The following PRUNE2 variants were observed in gnomAD, a reference collection of about 807,000 sequenced individuals.
PRUNE2 encodes prune homolog 2 with BCH domain, also known as protein prune homolog 2.
PRUNE2 carries 164 observed loss-of-function variants against 252.0 expected under a neutral mutation model. The observed-to-expected ratio is 0.65, with a 90% CI of 0.57 to 0.74. The LOEUF is 0.74. PRUNE2 is among the 30% of genes least tolerant of loss of function. PRUNE2 has a pLI of 0.00. For synonymous variants in PRUNE2, 1,292 were observed against 1,350.2 expected (o/e 0.96, Z 0.94); for missense variants, 3,495 against 3,711.0 (o/e 0.94, Z 1.51).
chr9:76,643,031 G>T (rs374294378), intron 12 of PRUNE2, among the ~76,000 whole-genome samples: 1 of 152,212 alleles, frequency 6.6e-6, no homozygotes, highest in African/African-American at 2.4e-5. Context: ...GGGACGGAGA[G>T]CACAGCAAAC....
chr9:76,746,262 T>C (rs909649855), intron 6 of PRUNE2, among the ~76,000 whole-genome samples: 4 of 152,100 alleles, frequency 2.6e-5, no homozygotes, highest in African/African-American at 9.7e-5. Context: ...TTGGAACTGG[T>C]CACTGGAAAG....
chr9:76,692,310 C>T (rs2044849873), intron 9 of PRUNE2: 7 of 583,824 alleles, frequency 1.2e-5, no homozygotes, highest in African/African-American at 1.9e-5. Context: ...TGGGAATATA[C>T]GATACCCTTT....
At chr9:76,830,412 G>A (rs926938610) in intron 4 of PRUNE2, among the ~76,000 whole-genome samples, 2 of 152,164 alleles carry the variant, frequency 1.3e-5, no homozygotes, top group Admixed American at 1.3e-4. Flanking sequence ...CAGCACTTTG[G>A]AGGTGGAGGT....
At chr9:76,731,280 C>CTCTATCTA (rs1182228208) in intron 6 of PRUNE2, among the ~76,000 whole-genome samples, 44 of 86,850 alleles carry the variant, frequency 5.1e-4, no homozygotes, top group Non-Finnish European at 7.7e-4. Flanking sequence ...TATTCCCTCT[C>CTCTATCTA]TCTATCTATC....
At position 76,852,711 on chromosome 9, in the gene PRUNE2, G is replaced by A. The variant is rs545136719; in HGVS notation, c.141+1393C>T. 2.3e-4 allele frequency among the ~76,000 whole-genome samples: 35 copies of A among 152,332 alleles called. No homozygotes were observed. The East Asian group carries it at 6.7e-3, about 29-fold the overall frequency. On this transcript the variant is annotated intron_variant, in intron 2 of 18. Transcript: ENST00000376718. ...CAAATTCTTAGTATGAGACCTTTCA[G>A]TAATTCCACATTCATCTCCATGCTT...
intron 9 of PRUNE2, among the ~76,000 whole-genome samples, chr9:76,667,405 G>A (rs1019264350): frequency 1.3e-5 from 2 of 152,212 alleles, no homozygotes; most frequent in Non-Finnish European, 2.9e-5. Context: ...AACTGGCTGG[G>A]CTGGCAGCAT....
At chr9:76,667,297 G>C (rs1451520770) in intron 9 of PRUNE2, among the ~76,000 whole-genome samples, 1 of 152,184 alleles carries the variant, frequency 6.6e-6, no homozygotes, top group Non-Finnish European at 1.5e-5. Context: ...TCTTCCGAAG[G>C]GAAGGGGGAA....
chr9:76,808,138 A>G (rs1564349383), intron 6 of PRUNE2, among the ~76,000 whole-genome samples: 1 of 151,996 alleles, frequency 6.6e-6, no homozygotes, highest in Non-Finnish European at 1.5e-5. Context: ...AGATCATGCC[A>G]CTGCACTCCA....
At chr9:76,697,863 C>T (rs1410918625) in intron 9 of PRUNE2, among the ~76,000 whole-genome samples, 1 of 152,110 alleles carries the variant, frequency 6.6e-6, no homozygotes, top group Non-Finnish European at 1.5e-5. Context: ...TCTCAAGTGT[C>T]ATTTGGGTGG....
intron 17 of PRUNE2, among the ~76,000 whole-genome samples, chr9:76,622,597 AAG>A (rs1334003890): frequency 6.6e-6 from 1 of 152,186 alleles, no homozygotes; most frequent in Non-Finnish European, 1.5e-5. Flanking sequence ...AAAAATCTGA[AAG>A]AGAACTCTCA....
intron 9 of PRUNE2, among the ~76,000 whole-genome samples, chr9:76,655,781 C>T (rs1848963880): frequency 6.6e-6 from 1 of 152,132 alleles, no homozygotes; most frequent in Non-Finnish European, 1.5e-5. Flanking sequence ...ATAGGAAATG[C>T]AAACAACTAA....
chr9:76,901,758 A>G (rs939596986), intron 1 of PRUNE2, among the ~76,000 whole-genome samples: 3 of 152,202 alleles, frequency 2.0e-5, no homozygotes, highest in Admixed American at 2.0e-4. Flanking sequence ...TTTCTTCTGT[A>G]GAAGTCCACA....
At chr9:76,748,329 G>A (rs1188316970) in intron 6 of PRUNE2, among the ~76,000 whole-genome samples, 1 of 152,184 alleles carries the variant, frequency 6.6e-6, no homozygotes, top group East Asian at 1.9e-4. Flanking sequence ...CTGAAGACAA[G>A]GTCCCTGCCT....
intron 1 of PRUNE2, among the ~76,000 whole-genome samples, chr9:76,881,365 A>G (rs1262328981): frequency 6.6e-6 from 1 of 152,190 alleles, no homozygotes; most frequent in Non-Finnish European, 1.5e-5. Context: ...GGGGTTGTTT[A>G]TGAGTATATA....
chr9:76,781,668 GT>G (rs2054410760), intron 6 of PRUNE2, among the ~76,000 whole-genome samples: 1 of 152,156 alleles, frequency 6.6e-6, no homozygotes, highest in Non-Finnish European at 1.5e-5. Context: ...ATGATTACTT[GT>G]TTAATGTCTT....
chr9:76,832,607 T>C (rs2058729749), intron 4 of PRUNE2, among the ~76,000 whole-genome samples: 1 of 151,818 alleles, frequency 6.6e-6, no homozygotes. Context: ...TTTTATACCC[T>C]TAAAAGCGTT....
intron 9 of PRUNE2, among the ~76,000 whole-genome samples, chr9:76,682,753 T>A (rs1390583313): frequency 6.6e-6 from 1 of 152,226 alleles, no homozygotes; most frequent in African/African-American, 2.4e-5. Flanking sequence ...AATACATTAA[T>A]ATAATTTGTA....
intron 6 of PRUNE2, among the ~76,000 whole-genome samples, chr9:76,719,611 C>T (rs1266389014): frequency 6.6e-6 from 1 of 151,640 alleles, no homozygotes; most frequent in Non-Finnish European, 1.5e-5. Flanking sequence ...ATAGTGAGAG[C>T]TCCTCTCTAA....
chr9:76,726,737 G>T (rs1361324943), intron 6 of PRUNE2, among the ~76,000 whole-genome samples: 1 of 152,126 alleles, frequency 6.6e-6, no homozygotes, highest in Non-Finnish European at 1.5e-5. Context: ...TCAACATGAG[G>T]GTGTTTCTCT....
Sources: gnomAD v4.1 joint callset for allele counts (sites outside exome capture counted in the v4.1 genomes callset) on GRCh38, gnomAD v4.1.1 for gene constraint, MANE v1.5 for transcripts, NCBI Gene and HGNC (gene_info 2026-07-23, HGNC 2026-07-21) for gene names.